Variants in OPCML observed in about 807,000 individuals in gnomAD.
OPCML encodes opioid-binding protein/cell adhesion molecule.
OPCML carries 13 observed loss-of-function variants against 37.8 expected under a neutral mutation model. The ratio of observed to expected loss-of-function variants is 0.34; its 90% CI spans 0.22 to 0.55. The LOEUF (loss-of-function observed/expected upper bound fraction) is 0.55. Among genes scored for constraint, OPCML ranks in the 20% least tolerant of loss-of-function variants. The pLI is 0.91. For synonymous variants in OPCML, 176 were observed against 168.8 expected (o/e 1.04, Z -0.33); for missense variants, 341 against 435.6 (o/e 0.78, Z 1.93).
At chr11:132,821,676 G>A (rs1001925470) in intron 2 of OPCML, among the ~76,000 whole-genome samples, 4 of 152,186 alleles carry the variant, frequency 2.6e-5, no homozygotes, top group African/African-American at 9.7e-5. Context: ...AGCTAGCAAG[G>A]CTGTTGTGCT....
chr11:133,423,386 G>A, intron 1 of OPCML: 1 of 985,370 alleles, frequency 1.0e-6, no homozygotes, highest in South Asian at 4.7e-5. Context: ...GTAACTCCAA[G>A]CTTCTTTCCC....
At chr11:133,083,110 C>G (rs567813519) in intron 1 of OPCML, among the ~76,000 whole-genome samples, 1 of 152,228 alleles carries the variant, frequency 6.6e-6, no homozygotes, top group South Asian at 2.1e-4. Context: ...CGTGTGCGCA[C>G]CACACTCACA....
chr11:132,989,602 CGTGTGTGT>C (rs72145712), intron 1 of OPCML, among the ~76,000 whole-genome samples: 5,142 of 139,490 alleles, frequency 0.037, 214 homozygotes, highest in African/African-American at 0.1. Context: ...GGTCCTAGAG[CGTGTGTGT>C]GTGTGTGTGT....
intron 1 of OPCML, among the ~76,000 whole-genome samples, chr11:133,194,506 G>A (rs141950823): frequency 1.3e-3 from 192 of 152,132 alleles, no homozygotes; most frequent in African/African-American, 4.4e-3. Context: ...CACTGCGCCC[G>A]GCTGCTTCAG....
At chr11:132,496,099 A>C (rs752776948) in intron 4 of OPCML, among the ~76,000 whole-genome samples, 6 of 152,112 alleles carry the variant, frequency 3.9e-5, no homozygotes, top group Admixed American at 6.6e-5. Context: ...ACCTGGAATA[A>C]AGACAAATCT....
intron 2 of OPCML, among the ~76,000 whole-genome samples, chr11:132,659,512 T>C (rs1009983325): frequency 3.3e-5 from 5 of 152,206 alleles, no homozygotes; most frequent in African/African-American, 1.2e-4. Context: ...CTTCTAGTTG[T>C]GTGGTCTTCT....
intron 1 of OPCML, chr11:133,008,578 G>C: frequency 2.9e-6 from 1 of 339,910 alleles, no homozygotes; most frequent in Non-Finnish European, 4.2e-6. Flanking sequence ...GACAAAAGCT[G>C]CCTCATTCGA....
chr11:133,269,950 G>A (rs191596656), intron 1 of OPCML, among the ~76,000 whole-genome samples: 55 of 152,214 alleles, frequency 3.6e-4, no homozygotes, highest in African/African-American at 9.1e-4. Flanking sequence ...TTTTATTCTC[G>A]TAGCTAGATA....
intron 1 of OPCML, among the ~76,000 whole-genome samples, chr11:133,143,084 A>G (rs1949848633): frequency 6.6e-6 from 1 of 152,182 alleles, no homozygotes; most frequent in Non-Finnish European, 1.5e-5. Context: ...GAGGGGCCTT[A>G]GCAGATGAGT....
At chr11:133,181,491 A>C (rs1937831228) in intron 1 of OPCML, among the ~76,000 whole-genome samples, 1 of 152,128 alleles carries the variant, frequency 6.6e-6, no homozygotes, top group Non-Finnish European at 1.5e-5. Context: ...AGTGGGGGGA[A>C]TATGAACCTT....
At chr11:132,696,579 A>G (rs1943607311) in intron 2 of OPCML, among the ~76,000 whole-genome samples, 2 of 152,220 alleles carry the variant, frequency 1.3e-5, no homozygotes, top group South Asian at 2.1e-4. Context: ...ATTAAAAATA[A>G]TATTGTTGTA....
intron 2 of OPCML, among the ~76,000 whole-genome samples, chr11:132,913,856 C>T (rs1026950149): frequency 1.3e-5 from 2 of 152,214 alleles, no homozygotes; most frequent in Non-Finnish European, 2.9e-5. Context: ...CTCAGCTCCA[C>T]AAGAGAAGGT....
At chr11:132,980,826 C>A (rs1008473397) in intron 1 of OPCML, among the ~76,000 whole-genome samples, 1 of 152,194 alleles carries the variant, frequency 6.6e-6, no homozygotes, top group Admixed American at 6.5e-5. Flanking sequence ...AAGGAAAGTC[C>A]GCTGTGAATT....
At chr11:133,383,967 A>G (rs144886053) in intron 1 of OPCML, among the ~76,000 whole-genome samples, 214 of 152,188 alleles carry the variant, frequency 1.4e-3, no homozygotes, top group African/African-American at 4.9e-3. Flanking sequence ...TCCTCTCCCT[A>G]CGCACAGAGG....
intron 1 of OPCML, among the ~76,000 whole-genome samples, chr11:133,258,402 C>G (rs1941384204): frequency 6.6e-6 from 1 of 152,150 alleles, no homozygotes. Context: ...GAATGGGTGG[C>G]AGGGCATAGG....
At chr11:132,451,839 G>A (rs2096069049) in intron 4 of OPCML, among the ~76,000 whole-genome samples, 1 of 152,062 alleles carries the variant, frequency 6.6e-6, no homozygotes, top group South Asian at 2.1e-4. Flanking sequence ...GTTCCTTATG[G>A]GTCTCAGTAA....
At chr11:133,006,835 C>A (rs1034254402) in intron 1 of OPCML, 15 of 985,290 alleles carry the variant, frequency 1.5e-5, no homozygotes, top group Non-Finnish European at 1.7e-5. Context: ...GGTAACTGGG[C>A]ATGAAGTGCT....
rs1338057308 is a variant in OPCML at position 133,015,623 on chromosome 11, A to G, written c.62-72613T>C. ...GTGACTAGTCACACTCCTGCTTACC[A>G]ACACCTAGGACTCCCTATCACCAAA... On this transcript the variant is annotated intron_variant, in intron 1 of 7. Coordinates refer to ENST00000524381, the MANE Select transcript of OPCML (RefSeq NM_001012393.5). 2.0e-5 allele frequency among the ~76,000 whole-genome samples: 3 copies of G among 152,200 alleles called. No homozygotes were observed. The South Asian group carries it at 6.2e-4, about 31-fold the overall frequency.
intron 1 of OPCML, chr11:133,007,929 A>C (rs1250545592): frequency 1.0e-6 from 1 of 985,288 alleles, no homozygotes; most frequent in Non-Finnish European, 1.2e-6. Context: ...TCCATTGTGC[A>C]TTTATGTTTT....
Sources: allele counts gnomAD v4.1 joint callset (sites outside exome capture counted in the v4.1 genomes callset), GRCh38; gene constraint gnomAD v4.1.1; transcripts MANE v1.5; gene names NCBI Gene and HGNC (gene_info 2026-07-23, HGNC 2026-07-21).